The following ASIC2 variants were observed in gnomAD, a reference collection of about 807,000 sequenced individuals.
ASIC2 encodes acid sensing ion channel subunit 2.
A neutral mutation model predicts 57.3 loss-of-function variants in ASIC2; 25 were observed. The observed-to-expected ratio is 0.44, with a 90% CI of 0.32 to 0.61. The LOEUF (loss-of-function observed/expected upper bound fraction) is 0.61, where lower values mean the gene tolerates loss of function less well. Among genes scored for constraint, ASIC2 ranks in the 20% least tolerant of loss-of-function variants. The pLI is 0.06. For synonymous variants in ASIC2, 319 were observed against 307.5 expected (o/e 1.04, Z -0.39); for missense variants, 641 against 738.1 (o/e 0.87, Z 1.52).
intron 1 of ASIC2, among the ~76,000 whole-genome samples, chr17:33,172,582 G>A (rs1905566636): frequency 6.6e-6 from 1 of 152,206 alleles, no homozygotes; most frequent in African/African-American, 2.4e-5. Flanking sequence ...GCCACTAGCA[G>A]AGAGGCTAGT....
At chr17:33,593,410 A>G (rs1273433120) in intron 1 of ASIC2, among the ~76,000 whole-genome samples, 2 of 152,136 alleles carry the variant, frequency 1.3e-5, no homozygotes, top group Non-Finnish European at 2.9e-5. Flanking sequence ...GGGCTCGCCC[A>G]TCACTGATGT....
intron 1 of ASIC2, among the ~76,000 whole-genome samples, chr17:33,885,049 G>T (rs983538618): frequency 3.9e-5 from 6 of 152,198 alleles, no homozygotes; most frequent in Admixed American, 2.0e-4. Flanking sequence ...ATCTATTTTT[G>T]CCCTTGCCCC....
At chr17:33,853,358 G>A (rs571941500) in intron 1 of ASIC2, among the ~76,000 whole-genome samples, 4 of 152,288 alleles carry the variant, frequency 2.6e-5, no homozygotes, top group African/African-American at 9.6e-5. Context: ...GACTGACTTT[G>A]GAGGGAACAT....
intron 1 of ASIC2, among the ~76,000 whole-genome samples, chr17:33,697,423 T>C (rs1476346979): frequency 6.6e-6 from 1 of 152,186 alleles, no homozygotes; most frequent in Non-Finnish European, 1.5e-5. Flanking sequence ...AGAAGTTGAC[T>C]CTTGCAGTTC....
intron 1 of ASIC2, among the ~76,000 whole-genome samples, chr17:33,912,622 A>G (rs1293289888): frequency 6.6e-6 from 1 of 152,112 alleles, no homozygotes; most frequent in African/African-American, 2.4e-5. Flanking sequence ...GAAACCTCTG[A>G]CTTAAGGGAA....
chr17:33,784,180 C>T (rs905328652), intron 1 of ASIC2, among the ~76,000 whole-genome samples: 3 of 152,154 alleles, frequency 2.0e-5, no homozygotes, highest in African/African-American at 7.2e-5. Context: ...AGGCCTTGGG[C>T]CAGGTATCTC....
chr17:33,072,213 C>T (rs1201442710), intron 3 of ASIC2, among the ~76,000 whole-genome samples: 1 of 152,162 alleles, frequency 6.6e-6, no homozygotes, highest in Admixed American at 6.5e-5. Context: ...TAAGCTGGGG[C>T]AATCATAGTG....
intron 1 of ASIC2, among the ~76,000 whole-genome samples, chr17:33,579,604 G>C (rs576794923): frequency 6.6e-6 from 1 of 151,790 alleles, no homozygotes; most frequent in African/African-American, 2.4e-5. Flanking sequence ...GGTGTGTCGG[G>C]AGTTTGTTCC....
At chr17:33,982,501 C>G (rs1409491438) in intron 1 of ASIC2, among the ~76,000 whole-genome samples, 1 of 152,156 alleles carries the variant, frequency 6.6e-6, no homozygotes, top group Non-Finnish European at 1.5e-5. Context: ...CTGAGTCCAG[C>G]GTTGCTATGG....
At chr17:33,095,539 G>C (rs1598272433) in intron 2 of ASIC2, among the ~76,000 whole-genome samples, 1 of 147,046 alleles carries the variant, frequency 6.8e-6, no homozygotes, top group East Asian at 1.9e-4. Flanking sequence ...CACCCTCCTT[G>C]TTTTACAGAT....
intron 1 of ASIC2, among the ~76,000 whole-genome samples, chr17:33,116,214 C>T (rs920910793): frequency 3.3e-5 from 5 of 152,216 alleles, no homozygotes; most frequent in Non-Finnish European, 7.3e-5. Context: ...CTGAGCCTCC[C>T]GCTCCTGCCT....
intron 1 of ASIC2, among the ~76,000 whole-genome samples, chr17:33,556,936 A>G (rs1915925779): frequency 6.6e-6 from 1 of 152,206 alleles, no homozygotes; most frequent in Admixed American, 6.5e-5. Context: ...AAGTGTAAGC[A>G]CAGGTGAGGG....
intron 1 of ASIC2, among the ~76,000 whole-genome samples, chr17:33,489,533 C>T (rs1365207902): frequency 6.6e-6 from 1 of 152,198 alleles, no homozygotes. Context: ...AGCCCCCACC[C>T]AAGTCAGCTC....
intron 1 of ASIC2, among the ~76,000 whole-genome samples, chr17:33,252,355 C>T (rs1300028747): frequency 6.6e-6 from 1 of 152,134 alleles, no homozygotes. Flanking sequence ...CATAATACAG[C>T]CGGCCCTGCT....
intron 1 of ASIC2, among the ~76,000 whole-genome samples, chr17:33,888,603 CG>C (rs1420834598): frequency 6.6e-6 from 1 of 151,982 alleles, no homozygotes. Flanking sequence ...TGGCAGGGAC[CG>C]GGGTGTGGTG....
intron 1 of ASIC2, among the ~76,000 whole-genome samples, chr17:33,520,954 C>G (rs1597762793): frequency 6.6e-6 from 1 of 152,150 alleles, no homozygotes; most frequent in South Asian, 2.1e-4. Flanking sequence ...TCATGTTGGA[C>G]TACTTTGGAA....
At chr17:34,050,829 T>G (rs558894905) in intron 1 of ASIC2, among the ~76,000 whole-genome samples, 1 of 152,224 alleles carries the variant, frequency 6.6e-6, no homozygotes, top group East Asian at 1.9e-4. Flanking sequence ...AAAGGAGCAC[T>G]TTGGAAGGAT....
chr17:33,144,193 A>G (rs1468545011), intron 1 of ASIC2, among the ~76,000 whole-genome samples: 3 of 152,182 alleles, frequency 2.0e-5, no homozygotes, highest in African/African-American at 7.2e-5. Flanking sequence ...AAAAACAAAA[A>G]AACAGGTTTA....
chr17:33,511,049 A>T (rs1284478602), intron 1 of ASIC2, among the ~76,000 whole-genome samples: 1 of 152,200 alleles, frequency 6.6e-6, no homozygotes, highest in Non-Finnish European at 1.5e-5. Flanking sequence ...TGTAGCGAAC[A>T]TGCTTTTTCA....
Sources: gnomAD v4.1 joint callset for allele counts (sites outside exome capture counted in the v4.1 genomes callset) on GRCh38, gnomAD v4.1.1 for gene constraint, MANE v1.5 for transcripts, NCBI Gene and HGNC (gene_info 2026-07-23, HGNC 2026-07-21) for gene names.